Variants in RMDN3 observed in about 807,000 individuals in gnomAD.
RMDN3 encodes regulator of microtubule dynamics 3.
A neutral mutation model predicts 61.8 loss-of-function variants in RMDN3; 41 were observed. The observed-to-expected ratio is 0.66, with a 90% CI of 0.52 to 0.86. The LOEUF is 0.86. Among genes scored for constraint, RMDN3 ranks in the 40% least tolerant of loss-of-function variants. The probability of loss-of-function intolerance (pLI) is 0.00; values close to 1 mark genes in which losing one functional copy is unlikely to be tolerated. For synonymous variants in RMDN3, 247 were observed against 232.0 expected (o/e 1.06, Z -0.59); for missense variants, 557 against 585.3 (o/e 0.95, Z 0.50).
At chr15:40,751,864 G>T (rs1897837801) in intron 3 of RMDN3, 122 bp downstream of exon 3, 1 of 1,103,958 alleles carries the variant, frequency 9.1e-7, no homozygotes, top group East Asian at 2.4e-5. Context: ...CTTCAACCCA[G>T]ATTAGGCTAG....
Position 40,738,518 on chromosome 15 carries a change from T to C in RMDN3, c.1030A>G (p.Ser344Gly). 1.2e-6 allele frequency: 2 copies of C among 1,614,120 alleles called. No homozygotes were observed. The highest frequency in any genetic ancestry group is 1.7e-6 in the Non-Finnish European group (2 of 1,180,010). ...GTCCTCACCTTGAAGCTAAAGCCAC[T>C]CTGGATGCGCCTCTGGATGCTCTCA... ...EHESIQRRIQ[S>G]GFSFKEHVDK... is the part of the protein sequence containing the mutation. The change falls in exon 8 of 13, where the codon AGT becomes GGT. Residue 344 changes from serine to glycine, a missense_variant. Ser to Gly is a moderately conservative substitution (Grantham distance 56). Transcript: ENST00000338376.
At position 40,736,571 on chromosome 15, in the gene RMDN3, CAGGTCCTTCT is replaced by C. The variant is rs1567060249; in HGVS notation, c.1373_1382del (p.Gln458ArgfsTer20). 5.0e-6 allele frequency: 8 copies of C among 1,614,028 alleles called. No homozygotes were observed. The highest frequency in any genetic ancestry group is 6.8e-6 in the Non-Finnish European group (8 of 1,179,984). The stretch of plus-strand genomic sequence containing the variant: ...CTCGTAAAATGACTTCCAGTTCTTC[CAGGTCCTTCT>C]GGATAGCCAAATCCTAGGGAGACAA... On this transcript the variant is annotated frameshift_variant, in exon 13 of 13. Transcript: ENST00000338376. LOFTEE classifies it high-confidence loss of function.
At chr15:40,748,906 A>G (rs1897692877) in intron 4 of RMDN3, among the ~76,000 whole-genome samples, 1 of 112,410 alleles carries the variant, frequency 8.9e-6, no homozygotes, top group African/African-American at 3.3e-5. Context: ...CAGCCTCAGT[A>G]ATTTTTTTTT....
At chr15:40,751,728 C>T (rs1184854245) in intron 3 of RMDN3, 159 bp from the exon 4 acceptor site, 4 of 1,121,566 alleles carry the variant, frequency 3.6e-6, no homozygotes, top group Non-Finnish European at 5.2e-6. Context: ...AGGGCAGCTT[C>T]CTGGGCCCAG....
intron 4 of RMDN3, among the ~76,000 whole-genome samples, chr15:40,749,520 A>C (rs1897723049): frequency 6.6e-6 from 1 of 152,196 alleles, no homozygotes; most frequent in African/African-American, 2.4e-5. Context: ...GTCTCAAAAC[A>C]AAACAAAACA....
At chr15:40,743,926 TG>T in intron 6 of RMDN3, 120 bp downstream of exon 6, 1 of 735,288 alleles carries the variant, frequency 1.4e-6, no homozygotes, top group Non-Finnish European at 2.2e-6. Context: ...TTGTCCCTAG[TG>T]GGTAACTGAG....
chr15:40,744,482 A>G (rs1897420543), intron 5 of RMDN3, among the ~76,000 whole-genome samples: 1 of 147,886 alleles, frequency 6.8e-6, no homozygotes, highest in African/African-American at 2.5e-5. Context: ...TGAAAGGAAA[A>G]GGGAAACTTC....
At chr15:40,737,794 A>T in intron 9 of RMDN3, 68 bp from the exon 10 acceptor site, 1 of 1,541,998 alleles carries the variant, frequency 6.5e-7, no homozygotes, top group Non-Finnish European at 8.9e-7. Flanking sequence ...ATCTTTGGGG[A>T]TATATTGAAA....
intron 4 of RMDN3, among the ~76,000 whole-genome samples, chr15:40,750,023 T>C (rs1294654436): frequency 6.6e-6 from 1 of 152,116 alleles, no homozygotes; most frequent in African/African-American, 2.4e-5. Flanking sequence ...AGTGGGTGCA[T>C]ACGATTATAA....
chr15:40,737,045 G>GT (rs1897080836), intron 12 of RMDN3, 79 bp downstream of exon 12: 1 of 1,127,008 alleles, frequency 8.9e-7, no homozygotes, highest in African/African-American at 1.5e-5. Flanking sequence ...TAGAGATGGG[G>GT]TTTCTCCATG....
At chr15:40,743,990 C>A (rs2141910863) in intron 6 of RMDN3, 57 bp downstream of exon 6, 1 of 1,478,378 alleles carries the variant, frequency 6.8e-7, no homozygotes. Context: ...GGCAGATGGG[C>A]CAGCCCCACC....
In RMDN3 at chr15:40,738,591, G is replaced by T; in HGVS notation, c.972-15C>A. 1 of 1,613,918 alleles carries T rather than the reference G, an allele frequency of 6.2e-7. No homozygotes were observed. Among genetic ancestry groups the T allele is most frequent in the Non-Finnish European group, 8.5e-7 (1 of 1,179,860 alleles). The stretch of plus-strand genomic sequence containing the variant: ...GCACCGCATACCTAGGGGGGAAGCA[G>T]CAAGCTCAGGGACAAGGGCTGAGTA... On this transcript the variant is annotated splice_polypyrimidine_tract_variant and intron_variant, in intron 7 of 12. Coordinates refer to ENST00000338376, the MANE Select transcript of RMDN3 (RefSeq NM_018145.3).
chr15:40,754,812 G>T, intron 1 of RMDN3, 22 bp from the exon 2 acceptor site: 1 of 1,495,200 alleles, frequency 6.7e-7, no homozygotes, highest in Non-Finnish European at 9.0e-7. Flanking sequence ...AGAAGTCACC[G>T]GGAGCAGGCA....
intron 6 of RMDN3, 119 bp downstream of exon 6, chr15:40,743,928 G>A (rs1177850400): frequency 2.7e-6 from 2 of 753,862 alleles, no homozygotes; most frequent in African/African-American, 1.8e-5. Context: ...GTCCCTAGTG[G>A]GTAACTGAGC....
intron 4 of RMDN3, 121 bp from the exon 5 acceptor site, chr15:40,745,380 T>A: frequency 4.6e-6 from 4 of 860,318 alleles, no homozygotes; most frequent in Non-Finnish European, 7.2e-6. Flanking sequence ...CAAATCACAA[T>A]CATTCATACC....
intron 6 of RMDN3, among the ~76,000 whole-genome samples, chr15:40,741,905 G>A (rs776825921): frequency 1.3e-4 from 19 of 151,914 alleles, no homozygotes; most frequent in Admixed American, 3.3e-4. Context: ...GTGATTACAG[G>A]TGCGAACCAC....
intron 6 of RMDN3, among the ~76,000 whole-genome samples, chr15:40,740,791 TATA>T (rs1897248833): frequency 6.6e-6 from 1 of 152,088 alleles, no homozygotes; most frequent in South Asian, 2.1e-4. Context: ...GCATTTAAAA[TATA>T]AAAGGATCCA....
chr15:40,736,588 CCA>C lies in RMDN3; in HGVS notation c.1364_1365del (p.Leu455CysfsTer24), dbSNP rs753717352. 1 of 1,613,858 alleles carries C rather than the reference CCA, an allele frequency of 6.2e-7. No individual in the cohort carries two copies. Among genetic ancestry groups the C allele is most frequent in the Non-Finnish European group, 8.5e-7 (1 of 1,179,832 alleles). ...LELPDVTKED[L>X]AIQKDLEELE... ...AGTTCTTCCAGGTCCTTCTGGATAG[CCA>C]AATCCTAGGGAGACAAAGAACAAAT... On this transcript the variant is annotated frameshift_variant, in exon 13 of 13. Coordinates refer to ENST00000338376, the MANE Select transcript of RMDN3 (RefSeq NM_018145.3). LOFTEE classifies it high-confidence loss of function.
chr15:40,740,151 C>G lies in RMDN3; in HGVS notation c.953G>C (p.Ser318Thr), dbSNP rs755235757. The G allele has an allele frequency of 1.9e-6, 3 of 1,611,992 alleles. No homozygotes were observed. Among genetic ancestry groups the G allele is most frequent in the African/African-American group, 2.7e-5 (2 of 74,904 alleles). The change falls in exon 7 of 13, where the codon AGT becomes ACT. Residue 318 changes from serine to threonine, a missense_variant. By Grantham distance (58) the Ser-to-Thr change is moderately conservative (BLOSUM62 1). Transcript: ENST00000338376. The stretch of plus-strand genomic sequence containing the variant: ...TTATTACCACAGGTGACAGTCAGCA[C>G]TCTCATCCCCCTTCTCCAGAGCAGC... ...AEAALEKGDE[S>T]ADCHLWYAVL...
Sources: allele counts gnomAD v4.1 joint callset (sites outside exome capture counted in the v4.1 genomes callset), GRCh38; gene constraint gnomAD v4.1.1; transcripts MANE v1.5; gene names NCBI Gene and HGNC (gene_info 2026-07-23, HGNC 2026-07-21).